The following NRXN1 variants were observed in gnomAD, a reference collection of about 807,000 sequenced individuals.
NRXN1 encodes neurexin 1, also known as neurexin-1.
In NRXN1, 39 loss-of-function variants were observed where a neutral mutation model predicts 150.9. The ratio of observed to expected loss-of-function variants is 0.26; its 90% CI spans 0.20 to 0.34. The LOEUF (loss-of-function observed/expected upper bound fraction) is 0.34, where lower values mean the gene tolerates loss of function less well. Among genes scored for constraint, NRXN1 ranks in the 10% least tolerant of loss-of-function variants. The pLI is 1.00. For synonymous variants in NRXN1, 924 were observed against 757.0 expected, an observed-to-expected ratio of 1.22 and a Z score of -3.62; for missense variants, 1,815 against 1,949.9, an observed-to-expected ratio of 0.93 and a Z score of 1.30.
At chr2:50,552,046 C>T (rs996063041) in intron 9 of NRXN1, among the ~76,000 whole-genome samples, 1 of 152,162 alleles carries the variant, frequency 6.6e-6, no homozygotes, top group Non-Finnish European at 1.5e-5. Flanking sequence ...AAATACCTTT[C>T]ATCAGAAAGG....
At chr2:50,992,876 A>G (rs1417025835) in intron 2 of NRXN1, among the ~76,000 whole-genome samples, 4 of 151,968 alleles carry the variant, frequency 2.6e-5, no homozygotes, top group African/African-American at 9.7e-5. Context: ...ATGGTGTTCA[A>G]TGCAACTACA....
chr2:50,645,253 T>A (rs1684658226), intron 5 of NRXN1, among the ~76,000 whole-genome samples: 1 of 151,880 alleles, frequency 6.6e-6, no homozygotes, highest in East Asian at 1.9e-4. Flanking sequence ...ATTCAAAATG[T>A]GATTCAAAAT....
chr2:50,380,562 G>A (rs1158841468), intron 17 of NRXN1, among the ~76,000 whole-genome samples: 2 of 152,074 alleles, frequency 1.3e-5, no homozygotes, highest in Non-Finnish European at 2.9e-5. Flanking sequence ...CTATCTGACT[G>A]AGCCTCTGTT....
chr2:50,774,178 A>G (rs1004664049), intron 5 of NRXN1, among the ~76,000 whole-genome samples: 1 of 152,290 alleles, frequency 6.6e-6, no homozygotes, highest in South Asian at 2.1e-4. Context: ...CTGTTGTCTT[A>G]CAGAAAAATA....
At chr2:50,335,503 G>C (rs755361100) in intron 17 of NRXN1, among the ~76,000 whole-genome samples, 5 of 151,984 alleles carry the variant, frequency 3.3e-5, no homozygotes, top group Non-Finnish European at 7.4e-5. Flanking sequence ...GTTTTTCCTC[G>C]TCATCTTTAC....
intron 17 of NRXN1, among the ~76,000 whole-genome samples, chr2:50,237,535 A>G (rs2065576608): frequency 6.6e-6 from 1 of 151,712 alleles, no homozygotes; most frequent in African/African-American, 2.4e-5. Flanking sequence ...CAGATAATAG[A>G]TGTCATCCCT....
At chr2:50,248,147 G>C (rs1033761268) in intron 17 of NRXN1, among the ~76,000 whole-genome samples, 3 of 151,884 alleles carry the variant, frequency 2.0e-5, no homozygotes, top group Non-Finnish European at 4.4e-5. Context: ...TGAGTAGCTG[G>C]GGCTTCAGGC....
At chr2:50,211,835 C>A (rs1385617679) in intron 18 of NRXN1, among the ~76,000 whole-genome samples, 3 of 130,870 alleles carry the variant, frequency 2.3e-5, no homozygotes, top group African/African-American at 7.8e-5. Flanking sequence ...TTTGCCTCAT[C>A]AAGAAGAAGA....
chr2:50,209,996 C>G (rs986497054), intron 18 of NRXN1, among the ~76,000 whole-genome samples: 3 of 151,942 alleles, frequency 2.0e-5, no homozygotes, highest in African/African-American at 4.8e-5. Flanking sequence ...GTTTATCTCT[C>G]AACTCTCTAA....
intron 18 of NRXN1, among the ~76,000 whole-genome samples, chr2:50,226,075 G>T (rs1443063522): frequency 6.6e-6 from 1 of 151,958 alleles, no homozygotes; most frequent in African/African-American, 2.4e-5. Context: ...AAGGCACAGT[G>T]GTTAAGCACA....
intron 18 of NRXN1, among the ~76,000 whole-genome samples, chr2:50,097,700 C>A (rs1425262508): frequency 6.6e-6 from 1 of 151,640 alleles, no homozygotes; most frequent in Non-Finnish European, 1.5e-5. Flanking sequence ...AGTGCAATGG[C>A]ACGATCTCAG....
Position 50,327,131 on chromosome 2 carries a change from A to G in NRXN1, c.3365-90161T>C, listed in dbSNP as rs377335943. Among the ~76,000 whole-genome samples, 6 of 152,338 alleles carry G rather than the reference A, an allele frequency of 3.9e-5. No individual in the cohort carries two copies. In the South Asian group the frequency reaches 1.2e-3, roughly 32 times the overall value. Reference sequence around the variant, plus strand: ...ATAGGTATAATAGCCCCAAACTGGAAACAAACCAAATGTTCTTCCACATGA... The same window carrying G: ...ATAGGTATAATAGCCCCAAACTGGAGACAAACCAAATGTTCTTCCACATGA... On this transcript the variant is annotated intron_variant, in intron 17 of 22. Coordinates refer to ENST00000401669, the MANE Select transcript of NRXN1 (RefSeq NM_001330078.2).
At position 50,053,259 on chromosome 2, in the gene NRXN1, C is replaced by T. The variant is rs1197950241; in HGVS notation, c.4128+12G>A. The T allele has an allele frequency of 6.2e-7, 1 of 1,613,664 alleles. No homozygotes were observed. Among genetic ancestry groups the T allele is most frequent in the East Asian group, 2.2e-5 (1 of 44,866 alleles). On this transcript the variant is annotated intron_variant, in intron 21 of 22. Coordinates refer to ENST00000401669, the MANE Select transcript of NRXN1 (RefSeq NM_001330078.2). ...TAGGATGAAAATGAAGGAATAAAAT[C>T]CACAGGCTCACCTGGCTAATGGGTT... is the stretch of plus-strand genomic sequence containing the variant.
chr2:50,706,149 A>G (rs548301329), intron 5 of NRXN1, among the ~76,000 whole-genome samples: 20 of 152,282 alleles, frequency 1.3e-4, no homozygotes, highest in African/African-American at 4.8e-4. Context: ...TCATGTAGCT[A>G]TTTTACAAAA....
intron 17 of NRXN1, among the ~76,000 whole-genome samples, chr2:50,360,755 A>T (rs1472080372): frequency 2.0e-5 from 3 of 152,198 alleles, no homozygotes; most frequent in Non-Finnish European, 4.4e-5. Flanking sequence ...GCTCTGGAAC[A>T]AGCAGACCTA....
chr2:50,628,118 T>C (rs1681508076), intron 5 of NRXN1, among the ~76,000 whole-genome samples: 1 of 151,778 alleles, frequency 6.6e-6, no homozygotes, highest in African/African-American at 2.4e-5. Flanking sequence ...AGATATCTTG[T>C]ATCATTCCAA....
rs7590358 is a variant in NRXN1, at chr2:50,455,821, C to G, written c.3364+9621G>C. On this transcript the variant is annotated intron_variant, in intron 17 of 22. Transcript: ENST00000401669. Reference sequence around the variant, plus strand: ...CTGGGCACTCATCAAAGATTTGACACGGAATCATGGCTGGGATATTTAGAC... The same window carrying G: ...CTGGGCACTCATCAAAGATTTGACAGGGAATCATGGCTGGGATATTTAGAC... Among the ~76,000 whole-genome samples the G allele has an allele frequency of 2.0e-5, 3 of 151,978 alleles. No individual in the cohort carries two copies. In the South Asian group the frequency reaches 6.2e-4, roughly 32 times the overall value.
In NRXN1 at chr2:50,022,511, T is replaced by C. The variant is rs1268212616; in HGVS notation, c.4128+30760A>G. ...AAATAATATAAAAAGATATAAATAA[T>C]TTACAAAAGCAGGGGATTACATTTA... On this transcript the variant is annotated intron_variant, in intron 21 of 22. Transcript: ENST00000401669. Among the ~76,000 whole-genome samples the C allele has an allele frequency of 4.6e-5, 7 of 152,280 alleles. No individual in the cohort carries two copies. In the East Asian group the frequency reaches 1.4e-3, roughly 29 times the overall value.
intron 18 of NRXN1, among the ~76,000 whole-genome samples, chr2:50,144,509 T>G (rs893441454): frequency 2.4e-4 from 36 of 151,850 alleles, no homozygotes; most frequent in African/African-American, 8.7e-4. Context: ...CATCCCCAAC[T>G]CAATCTCCTA....
Sources: gnomAD v4.1 joint callset for allele counts (sites outside exome capture counted in the v4.1 genomes callset) on GRCh38, gnomAD v4.1.1 for gene constraint, MANE v1.5 for transcripts, NCBI Gene and HGNC (gene_info 2026-07-23, HGNC 2026-07-21) for gene names.